The following ABCC2 variants were observed in gnomAD, a reference collection of about 807,000 sequenced individuals.
ABCC2 encodes ATP-binding cassette sub-family C member 2.
In ABCC2, 157 loss-of-function variants were observed where a neutral mutation model predicts 173.4. That is an observed-to-expected ratio of 0.91 (90% CI 0.80 to 1.03). The LOEUF (loss-of-function observed/expected upper bound fraction) is 1.03. Among genes scored for constraint, ABCC2 ranks in the 50% least tolerant of loss-of-function variants. ABCC2 has a pLI of 0.00. For missense variants in ABCC2, 1,822 were observed against 1,852.3 expected (o/e 0.98, Z 0.30); for synonymous variants, 657 against 693.5 (o/e 0.95, Z 0.83).
Position 99,850,849 on chromosome 10 carries a change from G to T in ABCC2, c.4508+53G>T, listed in dbSNP as rs2039079373. The T allele has an allele frequency of 3.1e-6, 5 of 1,596,408 alleles. No homozygotes were observed. The East Asian group carries it at 1.1e-4, about 36-fold the overall frequency. On this transcript the variant is annotated intron_variant, in intron 31 of 31. Coordinates refer to ENST00000647814, the MANE Select transcript of ABCC2 (RefSeq NM_000392.5). ...CGGATGGCTTAACCCTTGCTCAACA[G>T]TAACAGTGTCAGCCGGGAAACACCT...
rs771331517 is a variant in ABCC2 at position 99,808,238 on chromosome 10, G to T, written c.1815+9G>T. On this transcript the variant is annotated intron_variant, in intron 13 of 31. Transcript: ENST00000647814. ...TCTCCTCCATGCTCCAGGTAGGTCGGCATTCTCACTGCTAACTCCCTGTCT... is the reference window on the plus strand; with the variant it reads ...TCTCCTCCATGCTCCAGGTAGGTCGTCATTCTCACTGCTAACTCCCTGTCT... 1 of 1,613,850 alleles carries T rather than the reference G, an allele frequency of 6.2e-7. No homozygotes were observed. The highest frequency in any genetic ancestry group is 8.5e-7 in the Non-Finnish European group (1 of 1,179,938).
intron 30 of ABCC2, among the ~76,000 whole-genome samples, chr10:99,849,246 C>G (rs1319359537): frequency 1.3e-5 from 2 of 152,158 alleles, no homozygotes; most frequent in African/African-American, 4.8e-5. Context: ...TATATGTACA[C>G]CTACTGTGTG....
At chr10:99,809,358 A>G (rs2133037251) in intron 13 of ABCC2, among the ~76,000 whole-genome samples, 1 of 152,310 alleles carries the variant, frequency 6.6e-6, no homozygotes, top group African/African-American at 2.4e-5. Flanking sequence ...ATCTCAAAAC[A>G]AAACAAAACG....
At chr10:99,788,162 C>T (rs1219889583) in intron 2 of ABCC2, among the ~76,000 whole-genome samples, 1 of 152,182 alleles carries the variant, frequency 6.6e-6, no homozygotes, top group East Asian at 1.9e-4. Context: ...TTCCTCATAT[C>T]TCCTTCCAGA....
intron 10 of ABCC2, 137 bp from the exon 11 acceptor site, chr10:99,805,245 T>G (rs1433338568): frequency 1.8e-5 from 13 of 708,984 alleles, no homozygotes; most frequent in Middle Eastern, 2.4e-4. Flanking sequence ...TGGAGGGAGG[T>G]GAATCCCATC....
At chr10:99,795,061 G>A (rs536901049) in intron 6 of ABCC2, among the ~76,000 whole-genome samples, 66 of 152,252 alleles carry the variant, frequency 4.3e-4, no homozygotes, top group African/African-American at 1.4e-3. Context: ...TTTGGAGGCA[G>A]GTTTGGAGGG....
Position 99,843,715 on chromosome 10 carries a change from C to T in ABCC2, c.3742-84C>T, listed in dbSNP as rs183209158. 1.0e-5 allele frequency: 11 copies of T among 1,103,586 alleles called. No homozygotes were observed. The African/African-American group carries it at 1.1e-4, about 11-fold the overall frequency. The allele number at this position is 1,103,586 out of a possible 1,614,324, so 68.4% of individuals were successfully genotyped here. ...TCCAGCACAGTGCTGGGTACAAAGTCGGCACTGGATTGTCCTTGTGGTTTG... is the reference window on the plus strand; with the variant it reads ...TCCAGCACAGTGCTGGGTACAAAGTTGGCACTGGATTGTCCTTGTGGTTTG... On this transcript the variant is annotated intron_variant, in intron 26 of 31. Transcript: ENST00000647814.
At chr10:99,829,036 G>T (rs2038692852) in intron 19 of ABCC2, among the ~76,000 whole-genome samples, 1 of 151,922 alleles carries the variant, frequency 6.6e-6, no homozygotes, top group South Asian at 2.1e-4. Context: ...CTTCTTATTT[G>T]CCCCAAGTGT....
chr10:99,831,135 A>G (rs2038731041), intron 21 of ABCC2, among the ~76,000 whole-genome samples: 1 of 152,204 alleles, frequency 6.6e-6, no homozygotes, highest in Non-Finnish European at 1.5e-5. Context: ...TCAGACCTAG[A>G]GCACATAATT....
At position 99,783,895 on chromosome 10, in the gene ABCC2, G is replaced by T. The variant is rs556479899; in HGVS notation, c.34-713G>T. On this transcript the variant is annotated intron_variant, in intron 1 of 31. Transcript: ENST00000647814. ...GGCATCGCAAGCAATTCTTTAAAGAGTCTGTATAAATAATCATATAAAACA... is the reference window on the plus strand; with the variant it reads ...GGCATCGCAAGCAATTCTTTAAAGATTCTGTATAAATAATCATATAAAACA... Among the ~76,000 whole-genome samples the T allele has an allele frequency of 6.6e-5, 10 of 152,170 alleles. No homozygotes were observed. The East Asian group carries it at 1.7e-3, about 26-fold the overall frequency.
At position 99,850,620 on chromosome 10, in the gene ABCC2, G is replaced by A. The variant is rs1451007173; in HGVS notation, c.4332G>A (p.Leu1444=). The A allele has an allele frequency of 6.2e-7, 1 of 1,614,190 alleles. No individual in the cohort carries two copies. The highest frequency in any genetic ancestry group is 8.5e-7 in the Non-Finnish European group (1 of 1,180,026). The change falls in exon 31 of 32, where the codon CTG becomes CTA. Residue 1444 remains leucine (L), a synonymous_variant. Coordinates refer to ENST00000647814, the MANE Select transcript of ABCC2 (RefSeq NM_000392.5). The part of the protein sequence containing the change: ...GGNLSIGQRQ[L]LCLGRALLRK... ...GCTGCAGCATAGGCCAGAGGCAGCT[G>A]CTGTGCCTGGGCAGGGCTCTGCTTC... is the stretch of plus-strand genomic sequence containing the variant.
intron 8 of ABCC2, 54 bp from the exon 9 acceptor site, chr10:99,800,332 A>G (rs2037991514): frequency 6.3e-7 from 1 of 1,576,568 alleles, no homozygotes; most frequent in African/African-American, 1.3e-5. Context: ...GCATGAGGAG[A>G]GAGGCATCCT....
At chr10:99,851,189 C>T (rs2039083686) in intron 31 of ABCC2, among the ~76,000 whole-genome samples, 3 of 152,200 alleles carry the variant, frequency 2.0e-5, no homozygotes, top group Non-Finnish European at 4.4e-5. Flanking sequence ...AATCAAAAGT[C>T]AGTAATCTTA....
intron 29 of ABCC2, 130 bp from the exon 30 acceptor site, chr10:99,846,831 A>G (rs2039024638): frequency 5.4e-6 from 7 of 1,306,538 alleles, no homozygotes; most frequent in South Asian, 2.4e-5. Context: ...CGGAAGCTCA[A>G]CCACAAACCA....
intron 19 of ABCC2, among the ~76,000 whole-genome samples, chr10:99,825,746 T>C (rs2038627088): frequency 6.6e-6 from 1 of 152,198 alleles, no homozygotes; most frequent in African/African-American, 2.4e-5. Context: ...CAGTGGGCCA[T>C]ATACCTCTGT....
In ABCC2 at chr10:99,814,743, A is replaced by G. The variant is rs188401742; in HGVS notation, c.2094+1599A>G. Among the ~76,000 whole-genome samples, 507 of 140,248 alleles carry G rather than the reference A, an allele frequency of 3.6e-3. 3 individuals are homozygous for G. Among genetic ancestry groups the G allele is most frequent in the African/African-American group, 0.012 (473 of 37,892 alleles). 92.0% of individuals were successfully genotyped at this position (140,248 alleles called of 152,430 possible). On this transcript the variant is annotated intron_variant, in intron 16 of 31. Transcript: ENST00000647814. The stretch of plus-strand genomic sequence containing the variant: ...TACACATATGTGTGTGTATGTGTAT[A>G]TGTATGTATATACACACACATATAT...
At chr10:99,826,034 T>C (rs932905078) in intron 19 of ABCC2, among the ~76,000 whole-genome samples, 2 of 152,220 alleles carry the variant, frequency 1.3e-5, no homozygotes, top group Non-Finnish European at 2.9e-5. Context: ...TAGAACGACA[T>C]TGACTAGCCC....
At chr10:99,829,584 G>A (rs1437475646) in intron 19 of ABCC2, among the ~76,000 whole-genome samples, 1 of 152,048 alleles carries the variant, frequency 6.6e-6, no homozygotes, top group African/African-American at 2.4e-5. Flanking sequence ...TGTCTTTTAA[G>A]TGATTTAAAT....
chr10:99,788,210 T>C (rs1459430724), intron 2 of ABCC2, among the ~76,000 whole-genome samples: 3 of 152,200 alleles, frequency 2.0e-5, no homozygotes, highest in African/African-American at 7.2e-5. Flanking sequence ...CGTACATATA[T>C]TTTTTCACAC....
Sources: gnomAD v4.1 joint callset for allele counts (sites outside exome capture counted in the v4.1 genomes callset) on GRCh38, gnomAD v4.1.1 for gene constraint, MANE v1.5 for transcripts, NCBI Gene and HGNC (gene_info 2026-07-23, HGNC 2026-07-21) for gene names.